The following KLC1 variants were observed in gnomAD, a reference collection of about 807,000 sequenced individuals.
KLC1 encodes kinesin light chain 1, also known as kinesin 2 60/70kDa.
A neutral mutation model predicts 84.2 loss-of-function variants in KLC1; 30 were observed. That is an observed-to-expected ratio of 0.36 (90% CI 0.27 to 0.48). KLC1 has a LOEUF of 0.48. Ranked by LOEUF, KLC1 falls within the 20% of genes least tolerant of loss-of-function variation. The pLI is 0.99. For missense variants in KLC1, 499 were observed against 805.4 expected (o/e 0.62, Z 4.60); for synonymous variants, 289 against 293.3 (o/e 0.99, Z 0.15).
In KLC1 at chr14:103,686,820, G is replaced by A. The variant is rs1230211009; in HGVS notation, c.1651-261G>A. 3 of 174,370 alleles carry A rather than the reference G, an allele frequency of 1.7e-5. No individual in the cohort carries two copies. In the East Asian group the frequency reaches 4.4e-4, roughly 25 times the overall value. The allele number at this position is 174,370 out of a possible 1,614,324, so 10.8% of individuals were successfully genotyped here. On this transcript the variant is annotated intron_variant, in intron 13 of 16. Coordinates refer to ENST00000334553, the MANE Select transcript of KLC1 (RefSeq NM_001394837.1). The stretch of plus-strand genomic sequence containing the variant: ...AGGATTCACATTGCTTTTGGGATGC[G>A]ATCACTTGTTTGAATGAGCTTCCTT...
intron 1 of KLC1, among the ~76,000 whole-genome samples, chr14:103,653,673 T>G (rs1224386570): frequency 1.3e-5 from 2 of 152,226 alleles, no homozygotes; most frequent in Non-Finnish European, 2.9e-5. Context: ...AGACACTTAA[T>G]GAATCGTGAG....
intron 1 of KLC1, among the ~76,000 whole-genome samples, chr14:103,652,441 G>T (rs2078525099): frequency 6.6e-6 from 1 of 152,020 alleles, no homozygotes; most frequent in African/African-American, 2.4e-5. Flanking sequence ...GGAGAGCCCT[G>T]TGTTAAATAA....
chr14:103,657,954 G>A (rs112259331), intron 3 of KLC1, among the ~76,000 whole-genome samples, 178 bp downstream of exon 3: 1 of 152,168 alleles, frequency 6.6e-6, no homozygotes, highest in African/African-American at 2.4e-5. Context: ...CTTCAACAAG[G>A]TCTGCCCCGA....
In KLC1 at chr14:103,701,323, G is replaced by A; in HGVS notation, c.*124G>A. On this transcript the variant is annotated 3_prime_UTR_variant, in exon 17 of 17. Coordinates refer to ENST00000334553, the MANE Select transcript of KLC1 (RefSeq NM_001394837.1). ...GCCGCAGCGCTCACTCATTTCTCCTGCGTCTGTGTGCATAGGACATGATAC... is the reference window on the plus strand; with the variant it reads ...GCCGCAGCGCTCACTCATTTCTCCTACGTCTGTGTGCATAGGACATGATAC... 9.5e-7 allele frequency: 1 copy of A among 1,049,014 alleles called. No individual in the cohort carries two copies. Among genetic ancestry groups the A allele is most frequent in the Non-Finnish European group, 1.4e-6 (1 of 713,012 alleles). The allele number at this position is 1,049,014 out of a possible 1,614,324, so 65.0% of individuals were successfully genotyped here.
chr14:103,696,633 G>C (rs2082547489), intron 15 of KLC1: 9 of 985,372 alleles, frequency 9.1e-6, no homozygotes, highest in Non-Finnish European at 9.6e-6. Flanking sequence ...TGTCTTGCTG[G>C]GGCCAGCAGG....
At chr14:103,644,442 G>C (rs1353280013) in intron 1 of KLC1, among the ~76,000 whole-genome samples, 1 of 151,842 alleles carries the variant, frequency 6.6e-6, no homozygotes. Flanking sequence ...TGTGTTTTTA[G>C]TAGAGATGGG....
chr14:103,643,982 G>A (rs2077694813), intron 1 of KLC1, among the ~76,000 whole-genome samples: 3 of 151,996 alleles, frequency 2.0e-5, no homozygotes, highest in South Asian at 4.2e-4. Context: ...TTGAGAGGCC[G>A]AGGCAGGCAG....
chr14:103,694,592 C>G lies in KLC1; in HGVS notation c.1848+2167C>G. 2 of 985,498 alleles carry G rather than the reference C, an allele frequency of 2.0e-6. No individual in the cohort carries two copies. Among genetic ancestry groups the G allele is most frequent in the Non-Finnish European group, 2.4e-6 (2 of 829,946 alleles). The allele number at this position is 985,498 out of a possible 1,614,324, so 61.0% of individuals were successfully genotyped here. ...ATAGGTAAAGAGCATACAAAACAGA[C>G]GCCGAGGTGATCAGTGATTCCAAAG... On this transcript the variant is annotated intron_variant, in intron 15 of 16. Coordinates refer to ENST00000334553, the MANE Select transcript of KLC1 (RefSeq NM_001394837.1). This position sits in a 1 kb window ranked among gnomAD's most constrained non-coding sequence, Gnocchi z 4.5.
intron 1 of KLC1, among the ~76,000 whole-genome samples, chr14:103,635,813 T>C (rs1319214094): frequency 6.6e-6 from 1 of 152,008 alleles, no homozygotes; most frequent in Non-Finnish European, 1.5e-5. Flanking sequence ...TTGAGGAATT[T>C]GAGGGTGAGA....
At position 103,693,837 on chromosome 14, in the gene KLC1, G is replaced by A. The variant is rs1307394612; in HGVS notation, c.1848+1412G>A. The A allele has an allele frequency of 2.2e-6, 3 of 1,382,404 alleles. No individual in the cohort carries two copies. The highest frequency in any genetic ancestry group is 2.8e-6 in the Non-Finnish European group (3 of 1,071,196). 85.6% of individuals were successfully genotyped at this position (1,382,404 alleles called of 1,614,324 possible). ...CAGCCCCAGTGCCAGGAGCCACCCC[G>A]ACCGCGACCCGGCCAGGCTGGCTCA... On this transcript the variant is annotated intron_variant, in intron 15 of 16. Coordinates refer to ENST00000334553, the MANE Select transcript of KLC1 (RefSeq NM_001394837.1). The surrounding 1 kb of genome is among the most constrained non-coding windows in gnomAD (Gnocchi z 5.1).
At chr14:103,673,510 T>C in intron 9 of KLC1, 79 bp downstream of exon 9, 8 of 864,854 alleles carry the variant, frequency 9.3e-6, no homozygotes, top group African/African-American at 1.7e-5. Context: ...TAGTATTAGT[T>C]ACTGTTTATT....
intron 1 of KLC1, among the ~76,000 whole-genome samples, chr14:103,633,905 G>A (rs1321803794): frequency 6.6e-6 from 1 of 152,028 alleles, no homozygotes; most frequent in African/African-American, 2.4e-5. Context: ...GTCTCGCTCT[G>A]TCACCCAGGA....
chr14:103,682,072 A>G (rs1328824962), intron 13 of KLC1, among the ~76,000 whole-genome samples: 1 of 152,104 alleles, frequency 6.6e-6, no homozygotes, highest in East Asian at 1.9e-4. Context: ...GTTGAGGTAA[A>G]TGTTAAGACT....
chr14:103,685,047 G>A, intron 13 of KLC1: 1 of 1,546,246 alleles, frequency 6.5e-7, no homozygotes, highest in Non-Finnish European at 8.8e-7. Flanking sequence ...GTGAGTCCGA[G>A]CGGGCGGGGC....
chr14:103,675,543 C>T lies in KLC1; in HGVS notation c.1262-9C>T. Reference sequence around the variant, plus strand: ...ATGCTCAACCTGTATGCTGTGTTTTCTTCCCTAGATGAAAATAAACCCATC... The same window carrying T: ...ATGCTCAACCTGTATGCTGTGTTTTTTTCCCTAGATGAAAATAAACCCATC... On this transcript the variant is annotated splice_polypyrimidine_tract_variant and intron_variant, in intron 9 of 16. Coordinates refer to ENST00000334553, the MANE Select transcript of KLC1 (RefSeq NM_001394837.1). 1 of 1,610,038 alleles carries T rather than the reference C, an allele frequency of 6.2e-7. No individual in the cohort carries two copies. The highest frequency in any genetic ancestry group is 8.5e-7 in the Non-Finnish European group (1 of 1,178,118).
chr14:103,698,675 C>T (rs2082785829), intron 15 of KLC1: 40 of 882,388 alleles, frequency 4.5e-5, no homozygotes, highest in South Asian at 2.4e-4. Context: ...AGCCGCTGCC[C>T]TGGAAGAGCT....
intron 14 of KLC1, among the ~76,000 whole-genome samples, chr14:103,691,570 A>G (rs1469142296): frequency 6.9e-6 from 1 of 144,862 alleles, no homozygotes; most frequent in East Asian, 2.1e-4. Flanking sequence ...CTGGGTTCAA[A>G]TGATTTTCCT....
At chr14:103,670,366 C>T (rs1482852209) in intron 7 of KLC1, 83 bp downstream of exon 7, 21 of 830,798 alleles carry the variant, frequency 2.5e-5, no homozygotes, top group Non-Finnish European at 3.7e-5. Flanking sequence ...GAGATGGAGT[C>T]TCGTTCTGTC....
At chr14:103,679,288 GT>G (rs369024927) in intron 12 of KLC1, 95 bp from the exon 13 acceptor site, 70,320 of 1,071,454 alleles carry the variant, frequency 0.066, 66 homozygotes, top group East Asian at 0.14. Flanking sequence ...ATTAAGAACT[GT>G]TTTTTTTTTT....
Sources: allele counts gnomAD v4.1 joint callset (sites outside exome capture counted in the v4.1 genomes callset), GRCh38; gene constraint gnomAD v4.1.1; non-coding constraint Gnocchi (gnomAD v3.1); transcripts MANE v1.5; gene names NCBI Gene and HGNC (gene_info 2026-07-23, HGNC 2026-07-21).